Variants in ESRRG observed in about 807,000 individuals in gnomAD.
The protein encoded by ESRRG is estrogen related receptor gamma.
A neutral mutation model predicts 44.0 loss-of-function variants in ESRRG; 13 were observed. That is an observed-to-expected ratio of 0.30 (90% CI 0.19 to 0.47). The LOEUF (loss-of-function observed/expected upper bound fraction) is 0.47. Among genes scored for constraint, ESRRG ranks in the 20% least tolerant of loss-of-function variants. The pLI is 1.00. For missense variants in ESRRG, 395 were observed against 580.6 expected, an observed-to-expected ratio of 0.68 and a Z score of 3.29; for synonymous variants, 215 against 214.6, an observed-to-expected ratio of 1.00 and a Z score of -0.02.
At chr1:216,727,100 T>G (rs2087688351), upstream of ESRRG, among the ~76,000 whole-genome samples, 2 of 152,194 alleles carry the variant, frequency 1.3e-5, no homozygotes, top group South Asian at 4.1e-4. Context: ...ATTAAAATGT[T>G]CAAGTTTATC....
At chr1:216,727,304 G>GTATACATATATA (rs1407428285), upstream of ESRRG, among the ~76,000 whole-genome samples, 1 of 152,002 alleles carries the variant, frequency 6.6e-6, no homozygotes, top group African/African-American at 2.4e-5. Context: ...ATCATATATA[G>GTATACATATATA]TATAATATAC....
rs1414190222 is a variant in ESRRG, at chr1:216,694,531, C to G, written c.57-17040G>C. On this transcript the variant is annotated intron_variant, in intron 1 of 6. Coordinates refer to ENST00000408911, the MANE Select transcript of ESRRG (RefSeq NM_001438.4). ...CCAGTTTGTGTTTCTTTTCTTTTTTCTTTTTCTTATCTTTTCTTTTTTATT... is the reference window on the plus strand; with the variant it reads ...CCAGTTTGTGTTTCTTTTCTTTTTTGTTTTTCTTATCTTTTCTTTTTTATT... Among the ~76,000 whole-genome samples, 3 of 151,802 alleles carry G rather than the reference C, an allele frequency of 2.0e-5. No individual in the cohort carries two copies. The East Asian group carries it at 5.8e-4, about 29-fold the overall frequency.
chr1:216,986,670 T>C (rs1032914874), intron 1 of ESRRG, among the ~76,000 whole-genome samples: 3 of 151,796 alleles, frequency 2.0e-5, no homozygotes, highest in Non-Finnish European at 4.4e-5. Flanking sequence ...GAGATTGCAG[T>C]GAGCCAATAT....
intron 2 of ESRRG, among the ~76,000 whole-genome samples, chr1:216,662,834 A>T (rs1203678002): frequency 6.6e-6 from 1 of 152,192 alleles, no homozygotes. Flanking sequence ...CTGTAGCACA[A>T]AAGCAGCCAC....
At chr1:216,575,453 T>A (rs1433898289) in intron 3 of ESRRG, among the ~76,000 whole-genome samples, 1 of 152,148 alleles carries the variant, frequency 6.6e-6, no homozygotes, top group South Asian at 2.1e-4. Flanking sequence ...AATCAATTTG[T>A]GCATGAAGTA....
At chr1:216,651,549 G>A (rs1413060947) in intron 2 of ESRRG, among the ~76,000 whole-genome samples, 1 of 152,124 alleles carries the variant, frequency 6.6e-6, no homozygotes, top group Admixed American at 6.6e-5. Context: ...TGTGGAAAAT[G>A]ATATGTAAAC....
At chr1:216,961,358 T>A (rs530499899) in intron 1 of ESRRG, among the ~76,000 whole-genome samples, 2 of 152,256 alleles carry the variant, frequency 1.3e-5, no homozygotes, top group East Asian at 3.9e-4. Flanking sequence ...ATTTTGCCAG[T>A]GCAAAAATTA....
rs749767239 is a variant in ESRRG at position 217,036,336 on chromosome 1, G to T, written c.-106+53171C>A. Among the ~76,000 whole-genome samples, 6 of 152,094 alleles carry T rather than the reference G, an allele frequency of 3.9e-5. No individual in the cohort carries two copies. The South Asian group carries it at 1.2e-3, about 32-fold the overall frequency. Reference sequence around the variant, plus strand: ...GTATATACCCAAAGGAATATATATTGTTCTATTTATAAAGATACATTCATG... The same window carrying T: ...GTATATACCCAAAGGAATATATATTTTTCTATTTATAAAGATACATTCATG... On this transcript the variant is annotated intron_variant, in intron 1 of 7. Transcript: ENST00000359162.
intron 1 of ESRRG, among the ~76,000 whole-genome samples, chr1:217,087,020 G>T (rs1307132563): frequency 2.6e-5 from 4 of 152,068 alleles, no homozygotes; most frequent in African/African-American, 9.7e-5. Context: ...CTCATCCAAG[G>T]ATTTGTCTGC....
intron 6 of ESRRG, among the ~76,000 whole-genome samples, chr1:216,507,605 T>G (rs1164403457): frequency 6.6e-6 from 1 of 152,196 alleles, no homozygotes; most frequent in Non-Finnish European, 1.5e-5. Flanking sequence ...ATTCTGATCT[T>G]GCCTGGAAAA....
intron 1 of ESRRG, among the ~76,000 whole-genome samples, chr1:217,106,389 TATGCACACACAC>T (rs1426621723): frequency 5.5e-5 from 8 of 145,252 alleles, no homozygotes; most frequent in African/African-American, 2.1e-4. Flanking sequence ...CACACTCACA[TATGCACACACAC>T]ACACACACAC....
chr1:216,667,685 C>CAAAAAAAA (rs67275285), intron 2 of ESRRG, among the ~76,000 whole-genome samples: 8 of 66,220 alleles, frequency 1.2e-4, no homozygotes, highest in African/African-American at 3.2e-4. Flanking sequence ...GACTCCATCT[C>CAAAAAAAA]AAAAAAAAAA....
At chr1:217,021,551 A>T (rs2080329417) in intron 1 of ESRRG, among the ~76,000 whole-genome samples, 1 of 152,206 alleles carries the variant, frequency 6.6e-6, no homozygotes, top group African/African-American at 2.4e-5. Context: ...GGTCTAGGGT[A>T]GCTGTTAGGC....
At chr1:216,976,525 T>G (rs2072946175) in intron 1 of ESRRG, among the ~76,000 whole-genome samples, 1 of 152,188 alleles carries the variant, frequency 6.6e-6, no homozygotes, top group Admixed American at 6.6e-5. Flanking sequence ...CATAACCCAG[T>G]GTCTCCATAG....
intron 1 of ESRRG, among the ~76,000 whole-genome samples, chr1:216,952,164 G>A (rs890752714): frequency 9.2e-5 from 14 of 151,978 alleles, no homozygotes; most frequent in Non-Finnish European, 1.8e-4. Context: ...ACCACAACCC[G>A]AAAACTTTCA....
At chr1:216,932,549 G>T (rs574471722) in intron 2 of ESRRG, among the ~76,000 whole-genome samples, 4 of 151,920 alleles carry the variant, frequency 2.6e-5, no homozygotes, top group African/African-American at 4.8e-5. Flanking sequence ...GTGTGTGTTT[G>T]TGTGTATGTG....
At chr1:217,085,481 A>ATTTTTTTTTTTTTTTTTT (rs148354268) in intron 1 of ESRRG, among the ~76,000 whole-genome samples, 1 of 49,128 alleles carries the variant, frequency 2.0e-5, no homozygotes, top group Non-Finnish European at 3.3e-5. Flanking sequence ...TTTTCTTTTC[A>ATTTTTTTTTTTTTTTTTT]TTTTTTTTTT....
intron 2 of ESRRG, among the ~76,000 whole-genome samples, chr1:216,662,878 A>G (rs1335779369): frequency 6.6e-6 from 1 of 152,212 alleles, no homozygotes; most frequent in African/African-American, 2.4e-5. Flanking sequence ...CCATGTTCCA[A>G]TAAAACTTTC....
At chr1:216,753,225 C>T (rs2153238) in intron 2 of ESRRG, among the ~76,000 whole-genome samples, 149,522 of 152,026 alleles carry the variant, frequency 0.98, 73,538 homozygotes, top group East Asian at 1. Flanking sequence ...GAACTTCCTA[C>T]GCATACATAA....
Sources: gnomAD v4.1 joint callset for allele counts (sites outside exome capture counted in the v4.1 genomes callset) on GRCh38, gnomAD v4.1.1 for gene constraint, MANE v1.5 for transcripts, NCBI Gene and HGNC (gene_info 2026-07-23, HGNC 2026-07-21) for gene names.